Variants in LRRC17 observed in about 807,000 individuals in gnomAD.
The protein encoded by LRRC17 is leucine rich repeat containing 17.
Under a neutral mutation model 41.5 loss-of-function variants are expected in LRRC17, and 33 were observed. The observed-to-expected ratio is 0.80, with a 90% CI of 0.60 to 1.06. The LOEUF (loss-of-function observed/expected upper bound fraction) is 1.06. Ranked by LOEUF, LRRC17 falls within the 50% of genes least tolerant of loss-of-function variation. The pLI is 0.00. For missense variants in LRRC17, 491 were observed against 519.3 expected (o/e 0.95, Z 0.53); for synonymous variants, 192 against 197.0 (o/e 0.97, Z 0.21).
In LRRC17 at chr7:102,944,395, C is replaced by T; in HGVS notation, c.1114C>T (p.His372Tyr). ...YYWLKHHYNV[H>Y]FNGLECKTPE... ...CTGGTTAAAGCACCACTACAATGTC[C>T]ATTTTAATGGCCTGGAATGCAAAAC... Residue 372 changes from histidine (H) to tyrosine (Y), a missense_variant, in exon 4 of 4, where the codon CAT (histidine) becomes TAT (tyrosine). Coordinates refer to ENST00000339431, the MANE Select transcript of LRRC17 (RefSeq NM_001031692.3). 6.2e-7 allele frequency: 1 copy of T among 1,614,012 alleles called. No individual in the cohort carries two copies. The highest frequency in any genetic ancestry group is 8.5e-7 in the Non-Finnish European group (1 of 1,179,942).
rs372828276 is a variant in LRRC17, at chr7:102,931,967, A to G, written c.-140-1807A>G. 8 of 1,598,274 alleles carry G rather than the reference A, an allele frequency of 5.0e-6. No homozygotes were observed. The Admixed American group carries it at 1.0e-4, about 20-fold the overall frequency. On this transcript the variant is annotated intron_variant, in intron 1 of 3. Transcript: ENST00000339431. ...AATAAGTTACACGTCACTAAACTAC[A>G]TATTGCAAATGTTTAAACAAAGTTT...
rs760858609 is a variant in LRRC17, at chr7:102,934,412, T to C, written c.499T>C (p.Cys167Arg). 1 of 1,614,232 alleles carries C rather than the reference T, an allele frequency of 6.2e-7. No homozygotes were observed. The highest frequency in any genetic ancestry group is 2.2e-5 in the East Asian group (1 of 44,888). The change falls in exon 2 of 4, where the codon TGT becomes CGT. Residue 167 changes from cysteine (C) to arginine (R), a missense_variant. Physicochemically the swap from Cys to Arg is radical, Grantham distance 180 (BLOSUM62 -3). Transcript: ENST00000339431. ...GCGTCTTTATGACAACCCCTGGCACTGTACTTGTGAGATAGAAACGCTTAT... is the reference window on the plus strand; with the variant it reads ...GCGTCTTTATGACAACCCCTGGCACCGTACTTGTGAGATAGAAACGCTTAT... ...YLRLYDNPWH[C>R]TCEIETLISM...
At chr7:102,930,275 T>C (rs901812470) in intron 1 of LRRC17, among the ~76,000 whole-genome samples, 1 of 152,140 alleles carries the variant, frequency 6.6e-6, no homozygotes, top group Non-Finnish European at 1.5e-5. Context: ...TGCCTCATGA[T>C]TGGCATTCCA....
At position 102,926,255 on chromosome 7, in the gene LRRC17, C is replaced by T. The variant is rs764383717; in HGVS notation, c.-140-7519C>T. The T allele has an allele frequency of 1.1e-5, 17 of 1,605,386 alleles. No homozygotes were observed. In the South Asian group the frequency reaches 1.3e-4, roughly 13 times the overall value. ...GAGCATAATTTTTTTCAGTGTCATA[C>T]AAATAACACAAACATTACCTCGGCA... On this transcript the variant is annotated intron_variant, in intron 1 of 3. Coordinates refer to ENST00000339431, the MANE Select transcript of LRRC17 (RefSeq NM_001031692.3).
chr7:102,944,454 A>G lies in LRRC17; in HGVS notation c.1173A>G (p.Lys391=). Residue 391 remains lysine (K), a synonymous_variant, in exon 4 of 4, where the codon AAA becomes AAG. Coordinates refer to ENST00000339431, the MANE Select transcript of LRRC17 (RefSeq NM_001031692.3). ...PEEYKGWSVG[K]YIRSYYEECP... is the part of the protein sequence containing the mutation. The stretch of plus-strand genomic sequence containing the variant: ...AATACAAAGGATGGTCTGTGGGAAA[A>G]TATATTAGAAGTTACTATGAAGAAT... The G allele has an allele frequency of 6.2e-7, 1 of 1,614,104 alleles. No homozygotes were observed. Among genetic ancestry groups the G allele is most frequent in the East Asian group, 2.2e-5 (1 of 44,864 alleles).
rs746957819 is a variant in LRRC17 at position 102,934,266 on chromosome 7, C to CT, written c.354dup (p.Lys119Ter). On this transcript the variant is annotated frameshift_variant, in exon 2 of 4. Transcript: ENST00000339431. LOFTEE classifies it high-confidence loss of function. ...CTGGATCTGCAGCAGAATGAGATCTCTAAAATTGAGAGTGAGGCGTTCTTT... is the reference window on the plus strand; with the variant it reads ...CTGGATCTGCAGCAGAATGAGATCTCTTAAAATTGAGAGTGAGGCGTTCTTT... 6.2e-7 allele frequency: 1 copy of CT among 1,614,182 alleles called. No homozygotes were observed. The highest frequency in any genetic ancestry group is 2.2e-5 in the East Asian group (1 of 44,886).
intron 1 of LRRC17, among the ~76,000 whole-genome samples, chr7:102,915,194 C>G (rs1815606197): frequency 1.4e-5 from 2 of 146,808 alleles, no homozygotes; most frequent in Non-Finnish European, 3.0e-5. Flanking sequence ...GTTTTCTCAT[C>G]TGGAACATGG....
chr7:102,927,548 G>A (rs1439755698), intron 1 of LRRC17, among the ~76,000 whole-genome samples: 2 of 152,172 alleles, frequency 1.3e-5, no homozygotes, highest in Non-Finnish European at 2.9e-5. Flanking sequence ...CAGAGCATCT[G>A]TCACACTCAG....
chr7:102,937,964 A>G (rs1820660104), intron 2 of LRRC17, among the ~76,000 whole-genome samples: 1 of 152,222 alleles, frequency 6.6e-6, no homozygotes, highest in Non-Finnish European at 1.5e-5. Context: ...TAGGGGACCT[A>G]ATATGTGCCC....
chr7:102,922,225 A>G (rs1817194940), intron 1 of LRRC17, among the ~76,000 whole-genome samples: 1 of 151,764 alleles, frequency 6.6e-6, no homozygotes, highest in African/African-American at 2.4e-5. Context: ...AAATAAATAA[A>G]CATTACTGAG....
intron 1 of LRRC17, among the ~76,000 whole-genome samples, chr7:102,930,727 G>T (rs529905484): frequency 2.2e-4 from 33 of 152,078 alleles, no homozygotes; most frequent in African/African-American, 8.0e-4. Flanking sequence ...ATTCCGTAAG[G>T]CTCAACTTTA....
At chr7:102,927,798 T>A (rs1283954152) in intron 1 of LRRC17, among the ~76,000 whole-genome samples, 1 of 152,236 alleles carries the variant, frequency 6.6e-6, no homozygotes, top group Non-Finnish European at 1.5e-5. Flanking sequence ...TATGGATAGA[T>A]AAAATGTGTA....
chr7:102,924,815 TA>T (rs1172510216), intron 1 of LRRC17, among the ~76,000 whole-genome samples: 14 of 152,004 alleles, frequency 9.2e-5, no homozygotes, highest in African/African-American at 3.4e-4. Flanking sequence ...TAATTTTTTC[TA>T]TTTTTTAGTA....
At chr7:102,927,523 T>C (rs1250943075) in intron 1 of LRRC17, among the ~76,000 whole-genome samples, 1 of 152,190 alleles carries the variant, frequency 6.6e-6, no homozygotes, top group African/African-American at 2.4e-5. Flanking sequence ...TTTAAAACAA[T>C]AAAATCCTGC....
chr7:102,920,429 C>A (rs756068925), intron 1 of LRRC17, among the ~76,000 whole-genome samples: 1 of 152,004 alleles, frequency 6.6e-6, no homozygotes, highest in African/African-American at 2.4e-5. Flanking sequence ...TGACTCACTG[C>A]AGCCTCAACC....
chr7:102,916,797 G>T (rs1371901065), intron 1 of LRRC17, among the ~76,000 whole-genome samples: 1 of 150,820 alleles, frequency 6.6e-6, no homozygotes, highest in East Asian at 2.0e-4. Context: ...CTTATGGGGG[G>T]GGGTGTGAGT....
intron 1 of LRRC17, chr7:102,926,270 T>C: frequency 6.2e-7 from 1 of 1,611,850 alleles, no homozygotes; most frequent in African/African-American, 1.3e-5. Context: ...AACACAAACA[T>C]TACCTCGGCA....
chr7:102,938,457 A>G (rs1451447582), intron 2 of LRRC17, among the ~76,000 whole-genome samples: 1 of 152,198 alleles, frequency 6.6e-6, no homozygotes, highest in Non-Finnish European at 1.5e-5. Context: ...CTAAATGGGG[A>G]AATTACCTGG....
rs1047372122 is a variant in LRRC17, at chr7:102,934,366, C to T, written c.453C>T (p.Tyr151=). The T allele has an allele frequency of 6.2e-7, 1 of 1,614,196 alleles. No individual in the cohort carries two copies. The highest frequency in any genetic ancestry group is 1.1e-5 in the South Asian group (1 of 91,078). The change falls in exon 2 of 4, where the codon TAC becomes TAT. Residue 151 remains tyrosine (Y), a synonymous_variant. Transcript: ENST00000339431. ...TCTTGACGGAGGAAGTGTTCATTTA[C>T]ACACCTCTCTTGAGCTACCTGCGTC... ...IKVLTEEVFI[Y]TPLLSYLRLY...
Sources: gnomAD v4.1 joint callset for allele counts (sites outside exome capture counted in the v4.1 genomes callset) on GRCh38, gnomAD v4.1.1 for gene constraint, MANE v1.5 for transcripts, NCBI Gene and HGNC (gene_info 2026-07-23, HGNC 2026-07-21) for gene names.